UNC79: variants seen among roughly 807,000 people sequenced by gnomAD.
The protein encoded by UNC79 is protein unc-79 homolog.
Under a neutral mutation model 283.1 loss-of-function variants are expected in UNC79, and 37 were observed. The ratio of observed to expected loss-of-function variants is 0.13; its 90% CI spans 0.10 to 0.17. UNC79 has a LOEUF of 0.17. UNC79 is among the 10% of genes least tolerant of loss of function. UNC79 has a pLI of 1.00. For synonymous variants in UNC79, 1,107 were observed against 1,200.2 expected (o/e 0.92, Z 1.61); for missense variants, 2,272 against 3,211.1 (o/e 0.71, Z 7.07).
At chr14:93,632,765 T>C (rs2068142822) in intron 31 of UNC79, among the ~76,000 whole-genome samples, 1 of 152,148 alleles carries the variant, frequency 6.6e-6, no homozygotes, top group South Asian at 2.1e-4. Flanking sequence ...TCAGTAGGAC[T>C]CAAATGATAG....
chr14:93,464,800 G>A (rs950512163), intron 1 of UNC79, among the ~76,000 whole-genome samples: 4 of 152,140 alleles, frequency 2.6e-5, no homozygotes, highest in African/African-American at 7.2e-5. Context: ...GTAAAGAGGA[G>A]CCCTGCTTTG....
intron 1 of UNC79, among the ~76,000 whole-genome samples, chr14:93,456,977 G>C (rs2056813813): frequency 6.6e-6 from 1 of 152,186 alleles, no homozygotes; most frequent in Non-Finnish European, 1.5e-5. Flanking sequence ...TGGTGGAATT[G>C]GGGGATTCTG....
At chr14:93,372,235 A>T (rs985684889) in intron 1 of UNC79, among the ~76,000 whole-genome samples, 1 of 152,234 alleles carries the variant, frequency 6.6e-6, no homozygotes, top group African/African-American at 2.4e-5. Context: ...ATATATGCTT[A>T]TGTTCATATG....
intron 16 of UNC79, 28 bp downstream of exon 16, chr14:93,572,844 T>C: frequency 1.2e-6 from 2 of 1,611,182 alleles, no homozygotes; most frequent in Middle Eastern, 3.3e-4. Context: ...TCGATCATTT[T>C]AGGAAATAGT....
At chr14:93,459,735 A>C (rs1157511773) in intron 1 of UNC79, among the ~76,000 whole-genome samples, 6 of 114,378 alleles carry the variant, frequency 5.2e-5, no homozygotes, top group Admixed American at 9.2e-5. Context: ...CAGTGGCGCT[A>C]TCCCGGCTCA....
intron 1 of UNC79, among the ~76,000 whole-genome samples, chr14:93,339,591 G>A (rs547013499): frequency 7.0e-4 from 107 of 152,242 alleles, no homozygotes; most frequent in Non-Finnish European, 9.7e-4. Flanking sequence ...GAGCCACTGC[G>A]CCCGGCCTAG....
intron 35 of UNC79, among the ~76,000 whole-genome samples, chr14:93,651,126 C>G (rs1273776831): frequency 6.6e-6 from 1 of 152,096 alleles, no homozygotes; most frequent in African/African-American, 2.4e-5. Context: ...CTATTCTGTT[C>G]CATTGATCTA....
chr14:93,426,701 A>C (rs1020463524), upstream of UNC79, among the ~76,000 whole-genome samples: 25 of 152,026 alleles, frequency 1.6e-4, no homozygotes, highest in African/African-American at 6.0e-4. Context: ...GAGTTCTAAA[A>C]TTTCCAATGG....
chr14:93,424,551 A>G (rs1000576310), intron 1 of UNC79, among the ~76,000 whole-genome samples: 2 of 152,234 alleles, frequency 1.3e-5, no homozygotes, highest in African/African-American at 4.8e-5. Flanking sequence ...AGATCCTGCC[A>G]TTTGCAATGA....
intron 1 of UNC79, among the ~76,000 whole-genome samples, chr14:93,403,339 T>C (rs2055150679): frequency 6.6e-6 from 1 of 152,196 alleles, no homozygotes; most frequent in South Asian, 2.1e-4. Context: ...AGCAGGACTG[T>C]TTTAGGGTAA....
intron 20 of UNC79, among the ~76,000 whole-genome samples, chr14:93,586,231 A>G (rs1019589809): frequency 1.3e-5 from 2 of 152,198 alleles, no homozygotes; most frequent in Non-Finnish European, 2.9e-5. Flanking sequence ...AGGAAGGCAT[A>G]GCTAGCCAGG....
Position 93,500,279 on chromosome 14 carries a change from T to C in UNC79, c.898+2993T>C, listed in dbSNP as rs1014831579. On this transcript the variant is annotated intron_variant, in intron 7 of 48. Coordinates refer to ENST00000555664, the Ensembl canonical transcript of UNC79. ...TCATCTTAGCGTACCAAGATGTCTC[T>C]GTCTGAGGGCATTCATTCTTCAGTC... Among the ~76,000 whole-genome samples, 131 of 152,360 alleles carry C rather than the reference T, an allele frequency of 8.6e-4. 1 individual carries two copies. Among genetic ancestry groups the C allele is most frequent in the African/African-American group, 3.1e-3 (129 of 41,586 alleles).
intron 1 of UNC79, among the ~76,000 whole-genome samples, chr14:93,361,348 C>T (rs2054222809): frequency 6.6e-6 from 1 of 151,088 alleles, no homozygotes; most frequent in Non-Finnish European, 1.5e-5. Context: ...TTATTGAGAC[C>T]CTATCTCTAT....
rs768304298 is a variant in UNC79, at chr14:93,529,374, G to T, written c.1093+48G>T. 5.0e-6 allele frequency: 8 copies of T among 1,593,390 alleles called. No individual in the cohort carries two copies. The South Asian group carries it at 7.9e-5, about 16-fold the overall frequency. On this transcript the variant is annotated intron_variant, in intron 10 of 48. Transcript: ENST00000555664. Reference sequence around the variant, plus strand: ...TGAATAATGAGTAATCATGACTAATGACATAGTTGCTTTATCTCCTTTTGT... The same window carrying T: ...TGAATAATGAGTAATCATGACTAATTACATAGTTGCTTTATCTCCTTTTGT...
At chr14:93,359,228 C>G (rs1172871146) in intron 1 of UNC79, among the ~76,000 whole-genome samples, 1 of 152,160 alleles carries the variant, frequency 6.6e-6, no homozygotes, top group Non-Finnish European at 1.5e-5. Context: ...GCCTGATCTC[C>G]CTTGGTCTGA....
chr14:93,380,065 G>A (rs879651208), intron 1 of UNC79, among the ~76,000 whole-genome samples: 2 of 152,052 alleles, frequency 1.3e-5, no homozygotes, highest in Non-Finnish European at 2.9e-5. Flanking sequence ...ACTTCACAGG[G>A]TTGATCTGAG....
In UNC79 at chr14:93,580,406, TGTATAATA is replaced by T. The variant is rs1390456669; in HGVS notation, c.2661+32_2661+39del. The T allele has an allele frequency of 3.1e-6, 5 of 1,599,234 alleles. No homozygotes were observed. In the African/African-American group the frequency reaches 6.7e-5, roughly 22 times the overall value. On this transcript the variant is annotated intron_variant, in intron 19 of 48. Coordinates refer to ENST00000555664, the Ensembl canonical transcript of UNC79. ...GCAGTTGAAGAAACGAGATGACCCA[TGTATAATA>T]GCATTAAAGACTGCAGTAGCTGATG...
intron 1 of UNC79, chr14:93,347,414 T>C: frequency 6.8e-7 from 1 of 1,460,258 alleles, no homozygotes; most frequent in Non-Finnish European, 9.0e-7. Context: ...GGCCCAGCCA[T>C]CATGGTGGGC....
chr14:93,617,080 T>C lies in UNC79; in HGVS notation c.4042-42T>C. On this transcript the variant is annotated intron_variant, in intron 27 of 48. Coordinates refer to ENST00000555664, the Ensembl canonical transcript of UNC79. This position sits in a 1 kb window ranked among gnomAD's most constrained non-coding sequence, Gnocchi z 4.5. ...TTTTCCTTTTGACCTCTGAGTGTTCTTTGTAGTTTTCCATCAGTTATTAAT... is the reference window on the plus strand; with the variant it reads ...TTTTCCTTTTGACCTCTGAGTGTTCCTTGTAGTTTTCCATCAGTTATTAAT... 6.4e-7 allele frequency: 1 copy of C among 1,562,746 alleles called. No homozygotes were observed. Among genetic ancestry groups the C allele is most frequent in the Non-Finnish European group, 8.7e-7 (1 of 1,149,068 alleles).
Sources: gnomAD v4.1 joint callset for allele counts (sites outside exome capture counted in the v4.1 genomes callset) on GRCh38, gnomAD v4.1.1 for gene constraint, Gnocchi (gnomAD v3.1) non-coding constraint, MANE v1.5 for transcripts, NCBI Gene and HGNC (gene_info 2026-07-23, HGNC 2026-07-21) for gene names.